The following GALNT7 variants were observed in gnomAD, a reference collection of about 807,000 sequenced individuals.
GALNT7 encodes polypeptide N-acetylgalactosaminyltransferase 7.
A neutral mutation model predicts 82.1 loss-of-function variants in GALNT7; 60 were observed. That is an observed-to-expected ratio of 0.73 (90% confidence interval 0.59 to 0.91). The LOEUF is 0.91. Among genes scored for constraint, GALNT7 ranks in the 40% least tolerant of loss-of-function variants. GALNT7 has a pLI of 0.00. For missense variants in GALNT7, 660 were observed against 804.2 expected (o/e 0.82, Z 2.17); for synonymous variants, 243 against 275.1 (o/e 0.88, Z 1.15).
intron 1 of GALNT7, among the ~76,000 whole-genome samples, chr4:173,233,592 G>A (rs1734113162): frequency 6.6e-6 from 1 of 152,186 alleles, no homozygotes; most frequent in Non-Finnish European, 1.5e-5. Flanking sequence ...AATTCAGACT[G>A]CAGTGGTTGA....
chr4:173,264,220 A>C (rs991243425), intron 2 of GALNT7, among the ~76,000 whole-genome samples: 1 of 152,180 alleles, frequency 6.6e-6, no homozygotes, highest in African/African-American at 2.4e-5. Flanking sequence ...AATGATTGTA[A>C]AACGTTAAGC....
chr4:173,230,018 A>G (rs1733975658), intron 1 of GALNT7, among the ~76,000 whole-genome samples: 1 of 152,120 alleles, frequency 6.6e-6, no homozygotes. Flanking sequence ...TGTGCTGCTT[A>G]CCTTCATTAT....
At chr4:173,305,532 G>C (rs1385742907) in intron 8 of GALNT7, among the ~76,000 whole-genome samples, 1 of 152,088 alleles carries the variant, frequency 6.6e-6, no homozygotes, top group Non-Finnish European at 1.5e-5. Context: ...AAGTGTTACA[G>C]TTTTAGGACT....
intron 1 of GALNT7, among the ~76,000 whole-genome samples, chr4:173,241,196 C>G (rs968339763): frequency 1.4e-5 from 2 of 141,992 alleles, no homozygotes; most frequent in African/African-American, 5.3e-5. Context: ...CAAAGTGAGA[C>G]CCCATCTCTA....
intron 1 of GALNT7, among the ~76,000 whole-genome samples, chr4:173,186,864 C>G (rs1732476216): frequency 6.6e-6 from 1 of 151,952 alleles, no homozygotes; most frequent in African/African-American, 2.4e-5. Context: ...ACCTCCAACT[C>G]CCTGGGTCTC....
At chr4:173,169,801 C>T (rs1350163701) in intron 1 of GALNT7, 5 of 152,146 alleles carry the variant, frequency 3.3e-5, no homozygotes, top group Non-Finnish European at 5.9e-5. Flanking sequence ...GGAGCAGTTC[C>T]TCTTCCTTGG....
intron 2 of GALNT7, among the ~76,000 whole-genome samples, chr4:173,250,635 G>C (rs976240988): frequency 6.6e-6 from 1 of 152,042 alleles, no homozygotes; most frequent in Admixed American, 6.6e-5. Flanking sequence ...GCCTCTTACT[G>C]TCTTTTTTTT....
intron 1 of GALNT7, among the ~76,000 whole-genome samples, chr4:173,170,539 A>G (rs1367120844): frequency 6.6e-6 from 1 of 152,220 alleles, no homozygotes; most frequent in Non-Finnish European, 1.5e-5. Flanking sequence ...TTCCCATCTA[A>G]GTCATCTAAA....
chr4:173,242,810 T>C (rs1734481867), intron 1 of GALNT7, among the ~76,000 whole-genome samples: 1 of 152,212 alleles, frequency 6.6e-6, no homozygotes, highest in Admixed American at 6.5e-5. Context: ...CTGGAGCTTA[T>C]TTATTTTTAC....
intron 1 of GALNT7, among the ~76,000 whole-genome samples, chr4:173,216,645 C>CCTGGG (rs1424284858): frequency 5.6e-5 from 8 of 144,032 alleles, no homozygotes; most frequent in Middle Eastern, 3.7e-3. Context: ...TGTGAGGGTT[C>CCTGGG]CTGGGCTGGG....
intron 8 of GALNT7, among the ~76,000 whole-genome samples, chr4:173,310,728 ATGT>A (rs767076130): frequency 1.3e-4 from 20 of 151,868 alleles, no homozygotes; most frequent in Non-Finnish European, 1.9e-4. Context: ...TAATTTTTTT[ATGT>A]TGTTGTTGTT....
intron 2 of GALNT7, among the ~76,000 whole-genome samples, chr4:173,277,148 A>G (rs1007511372): frequency 1.3e-5 from 2 of 152,234 alleles, no homozygotes; most frequent in Non-Finnish European, 2.9e-5. Context: ...GCGTTTAGAC[A>G]TGGATTATTT....
chr4:173,188,666 C>G (rs1013087251), intron 1 of GALNT7, among the ~76,000 whole-genome samples: 1 of 152,172 alleles, frequency 6.6e-6, no homozygotes, highest in Admixed American at 6.5e-5. Flanking sequence ...TGCCTCTGCT[C>G]GCTGAATTCT....
chr4:173,203,770 A>G (rs1733012435), intron 1 of GALNT7, among the ~76,000 whole-genome samples: 2 of 152,174 alleles, frequency 1.3e-5, no homozygotes, highest in Non-Finnish European at 2.9e-5. Context: ...TACGCTTTTG[A>G]TGCCACAATT....
chr4:173,193,720 A>G (rs1041442598), intron 1 of GALNT7, among the ~76,000 whole-genome samples: 2 of 152,188 alleles, frequency 1.3e-5, no homozygotes, highest in Non-Finnish European at 2.9e-5. Context: ...AACCTCCCAA[A>G]TAATGAGTAG....
At chr4:173,186,010 T>C (rs918385527) in intron 1 of GALNT7, among the ~76,000 whole-genome samples, 4 of 152,036 alleles carry the variant, frequency 2.6e-5, no homozygotes, top group Non-Finnish European at 4.4e-5. Context: ...GCAAGGAGAG[T>C]GAACTTTAAG....
chr4:173,247,106 A>G (rs1235467273), intron 1 of GALNT7, among the ~76,000 whole-genome samples: 1 of 152,004 alleles, frequency 6.6e-6, no homozygotes, highest in African/African-American at 2.4e-5. Context: ...GGCATTTTTT[A>G]AAGTGATCAA....
At chr4:173,217,798 ATAT>A (rs1733518067) in intron 1 of GALNT7, among the ~76,000 whole-genome samples, 1 of 152,204 alleles carries the variant, frequency 6.6e-6, no homozygotes, top group Non-Finnish European at 1.5e-5. Flanking sequence ...TGAGAAACAG[ATAT>A]TTTGCAGCCT....
At chr4:173,317,586 A>G (rs764692864) in intron 9 of GALNT7, 48 bp from the exon 10 acceptor site, 1 of 1,186,814 alleles carries the variant, frequency 8.4e-7, no homozygotes, top group Admixed American at 1.7e-5. Context: ...AGAGTTCATC[A>G]AAAACTAAAC....
Sources: gnomAD v4.1 joint callset for allele counts (sites outside exome capture counted in the v4.1 genomes callset) on GRCh38, gnomAD v4.1.1 for gene constraint, MANE v1.5 for transcripts, NCBI Gene and HGNC (gene_info 2026-07-23, HGNC 2026-07-21) for gene names.